The following FAF1 variants were observed in gnomAD, a reference collection of about 807,000 sequenced individuals.
The protein encoded by FAF1 is Fas associated factor 1.
A neutral mutation model predicts 92.5 loss-of-function variants in FAF1; 25 were observed. That is an observed-to-expected ratio of 0.27 (90% CI 0.20 to 0.38). The LOEUF (loss-of-function observed/expected upper bound fraction) is 0.38. Ranked by LOEUF, FAF1 falls within the 10% of genes least tolerant of loss-of-function variation. The pLI is 1.00. For synonymous variants in FAF1, 234 were observed against 273.2 expected (o/e 0.86, Z 1.42); for missense variants, 636 against 793.3 (o/e 0.80, Z 2.38).
chr1:50,907,826 T>G (rs1271612549), intron 1 of FAF1, among the ~76,000 whole-genome samples: 1 of 152,204 alleles, frequency 6.6e-6, no homozygotes, highest in East Asian at 1.9e-4. Flanking sequence ...AATCACCTCC[T>G]GGATTCATTG....
At chr1:50,865,548 C>T (rs12119801) in intron 1 of FAF1, among the ~76,000 whole-genome samples, 127,413 of 127,816 alleles carry the variant, frequency 1, 63,509 homozygotes, top group Middle Eastern at 1. Context: ...GGGACATGGA[C>T]GAAATTGGAA....
intron 8 of FAF1, among the ~76,000 whole-genome samples, chr1:50,612,085 A>G (rs572035368): frequency 1.3e-5 from 2 of 152,326 alleles, no homozygotes; most frequent in Admixed American, 1.3e-4. Context: ...AGTTTGAAAA[A>G]TTTAAAAACC....
chr1:50,659,583 C>G (rs1442547628), intron 7 of FAF1, among the ~76,000 whole-genome samples: 1 of 152,000 alleles, frequency 6.6e-6, no homozygotes, highest in African/African-American at 2.4e-5. Context: ...GCCTTTTTGT[C>G]TTACACATTT....
intron 4 of FAF1, among the ~76,000 whole-genome samples, chr1:50,759,201 C>G (rs903330693): frequency 6.6e-6 from 1 of 151,598 alleles, no homozygotes; most frequent in Non-Finnish European, 1.5e-5. Context: ...GCACAATGTG[C>G]AGGTTAGTTA....
intron 4 of FAF1, among the ~76,000 whole-genome samples, chr1:50,753,710 C>T (rs1659960629): frequency 6.6e-6 from 1 of 151,598 alleles, no homozygotes; most frequent in Non-Finnish European, 1.5e-5. Context: ...TCTTTTTGAA[C>T]ACAGGTAATA....
At chr1:50,667,331 A>G (rs1655683490) in intron 7 of FAF1, among the ~76,000 whole-genome samples, 1 of 152,224 alleles carries the variant, frequency 6.6e-6, no homozygotes, top group South Asian at 2.1e-4. Context: ...ATATGAAGAT[A>G]TTCACACTAT....
intron 8 of FAF1, among the ~76,000 whole-genome samples, chr1:50,599,193 A>G (rs1651978869): frequency 6.6e-6 from 1 of 151,054 alleles, no homozygotes; most frequent in Admixed American, 6.6e-5. Context: ...GCTCACTGCA[A>G]CCTCCACCTC....
chr1:50,867,533 A>C lies in FAF1; in HGVS notation c.46-9536T>G, dbSNP rs188506451. On this transcript the variant is annotated intron_variant, in intron 1 of 18. Transcript: ENST00000396153. The stretch of plus-strand genomic sequence containing the variant: ...AAAACTGGGCTAGGGACATGAATAG[A>C]CAATTCTCAAAAGAAGACATACAAA... 1.8e-4 allele frequency among the ~76,000 whole-genome samples: 28 copies of C among 152,342 alleles called. 1 individual carries two copies. The East Asian group carries it at 2.9e-3, about 16-fold the overall frequency.
chr1:50,454,851 G>C (rs1308474280), intron 18 of FAF1, among the ~76,000 whole-genome samples: 4 of 152,208 alleles, frequency 2.6e-5, no homozygotes, highest in African/African-American at 9.6e-5. Context: ...GTTGAATTCT[G>C]AGGGCACATA....
chr1:50,771,176 C>T (rs1660763805), intron 4 of FAF1, among the ~76,000 whole-genome samples: 1 of 152,186 alleles, frequency 6.6e-6, no homozygotes, highest in Admixed American at 6.5e-5. Context: ...AGATACCATT[C>T]TGGACATAGG....
chr1:50,801,601 A>T (rs765688811), intron 3 of FAF1, 30 bp downstream of exon 3: 2 of 1,328,400 alleles, frequency 1.5e-6, no homozygotes, highest in Non-Finnish European at 2.2e-6. Context: ...CTGCTAAGTC[A>T]TCTTAACTGG....
At chr1:50,605,223 C>T (rs1652321488) in intron 8 of FAF1, among the ~76,000 whole-genome samples, 1 of 152,130 alleles carries the variant, frequency 6.6e-6, no homozygotes, top group African/African-American at 2.4e-5. Context: ...AGAATTAGCA[C>T]AATTTCTAAA....
chr1:50,490,466 GA>G (rs1646823600), intron 17 of FAF1, 121 bp downstream of exon 17: 2 of 589,422 alleles, frequency 3.4e-6, no homozygotes, highest in Non-Finnish European at 6.1e-6. Context: ...GAAGGAAAAA[GA>G]AAGAAGGAAG....
chr1:50,737,406 G>A (rs867961691), intron 6 of FAF1, among the ~76,000 whole-genome samples: 3 of 152,154 alleles, frequency 2.0e-5, no homozygotes, highest in African/African-American at 4.8e-5. Flanking sequence ...TTTTAATTAT[G>A]TGGATTACCT....
chr1:50,870,666 C>T (rs934447448), intron 1 of FAF1, among the ~76,000 whole-genome samples: 5 of 152,008 alleles, frequency 3.3e-5, no homozygotes, highest in African/African-American at 4.8e-5. Context: ...TGTTTTGAGG[C>T]GCCACAAACC....
chr1:50,656,129 C>T (rs1313586053), intron 7 of FAF1, among the ~76,000 whole-genome samples: 6 of 151,996 alleles, frequency 3.9e-5, no homozygotes, highest in Non-Finnish European at 8.8e-5. Context: ...GTCAGGAGTT[C>T]GAGACCAGTC....
intron 13 of FAF1, among the ~76,000 whole-genome samples, chr1:50,547,918 C>G (rs375136296): frequency 6.6e-6 from 1 of 152,114 alleles, no homozygotes; most frequent in Admixed American, 6.5e-5. Flanking sequence ...CATTTAAGTA[C>G]TTGAAAATTT....
At chr1:50,499,551 AAATT>A (rs1456673737) in intron 15 of FAF1, among the ~76,000 whole-genome samples, 2 of 152,278 alleles carry the variant, frequency 1.3e-5, no homozygotes, top group Admixed American at 6.5e-5. Flanking sequence ...AAGGCAAGAA[AAATT>A]AATAAAAGGC....
At chr1:50,668,539 C>G (rs976961577) in intron 7 of FAF1, among the ~76,000 whole-genome samples, 2 of 152,220 alleles carry the variant, frequency 1.3e-5, no homozygotes, top group Non-Finnish European at 1.5e-5. Flanking sequence ...ACCAAAATTA[C>G]ACACCTAGTT....
Sources: gnomAD v4.1 joint callset for allele counts (sites outside exome capture counted in the v4.1 genomes callset) on GRCh38, gnomAD v4.1.1 for gene constraint, MANE v1.5 for transcripts, NCBI Gene and HGNC (gene_info 2026-07-23, HGNC 2026-07-21) for gene names.